EYS: variants seen among roughly 807,000 people sequenced by gnomAD.
EYS encodes the protein EGF-like photoreceptor maintenance factor.
A neutral mutation model predicts 282.1 loss-of-function variants in EYS; 250 were observed. The observed-to-expected ratio is 0.89, with a 90% CI of 0.80 to 0.98. The LOEUF is 0.98. Ranked by LOEUF, EYS falls within the 50% of genes least tolerant of loss-of-function variation. The pLI is 0.00. For missense variants in EYS, 4,016 were observed against 3,709.0 expected (o/e 1.08, Z -2.15); for synonymous variants, 1,355 against 1,282.9 (o/e 1.06, Z -1.20).
intron 31 of EYS, among the ~76,000 whole-genome samples, chr6:64,184,653 T>G (rs925231001): frequency 1.3e-5 from 2 of 152,140 alleles, no homozygotes; most frequent in African/African-American, 2.4e-5. Context: ...AGCTAAACTA[T>G]GAAAAGTCAC....
intron 24 of EYS, among the ~76,000 whole-genome samples, chr6:64,607,760 T>G (rs540369907): frequency 1.1e-3 from 168 of 152,252 alleles, no homozygotes; most frequent in African/African-American, 4.0e-3. Context: ...GATCTAGAAC[T>G]GTATTTTGGT....
chr6:64,664,569 C>T (rs895789582), intron 22 of EYS, among the ~76,000 whole-genome samples: 4 of 152,148 alleles, frequency 2.6e-5, no homozygotes, highest in Admixed American at 6.5e-5. Flanking sequence ...CCTCCTCACC[C>T]GCCCCCAAAT....
intron 12 of EYS, among the ~76,000 whole-genome samples, chr6:65,115,521 C>T (rs1775341416): frequency 2.0e-5 from 3 of 151,992 alleles, no homozygotes; most frequent in Admixed American, 6.6e-5. Flanking sequence ...AAATGCCTGA[C>T]ACTATGTTAA....
At chr6:63,741,772 C>A in intron 41 of EYS, 1 of 569,018 alleles carries the variant, frequency 1.8e-6, no homozygotes, top group South Asian at 2.2e-5. Flanking sequence ...CCCGTTCAAT[C>A]TGAATCAAAC....
intron 30 of EYS, among the ~76,000 whole-genome samples, chr6:64,267,568 A>G (rs1458891820): frequency 1.3e-5 from 2 of 152,172 alleles, no homozygotes; most frequent in African/African-American, 2.4e-5. Flanking sequence ...AAGAAATACA[A>G]TAAAATCATA....
intron 26 of EYS, among the ~76,000 whole-genome samples, chr6:64,477,836 T>G (rs73767822): frequency 6.6e-6 from 1 of 152,218 alleles, no homozygotes; most frequent in African/African-American, 2.4e-5. Flanking sequence ...ATTAAAGCAA[T>G]GCAGAACATC....
chr6:64,357,313 G>A (rs1386571484), intron 29 of EYS, among the ~76,000 whole-genome samples: 1 of 101,808 alleles, frequency 9.8e-6, no homozygotes, highest in Non-Finnish European at 2.1e-5. Context: ...AACTGTGTCT[G>A]TGTATGAGCA....
At chr6:65,495,719 G>T in intron 3 of EYS, 112 bp from the exon 4 acceptor site, 1 of 391,486 alleles carries the variant, frequency 2.6e-6, no homozygotes, top group Non-Finnish European at 4.6e-6. Flanking sequence ...CAAAGATAGT[G>T]TCACCAGCAG....
chr6:64,425,745 T>C (rs1418237811), intron 28 of EYS, among the ~76,000 whole-genome samples: 2 of 151,392 alleles, frequency 1.3e-5, no homozygotes, highest in Non-Finnish European at 2.9e-5. Flanking sequence ...AGACGAAATG[T>C]TGAAAAGGAC....
chr6:65,673,107 G>A (rs12197906), intron 1 of EYS, among the ~76,000 whole-genome samples: 53,719 of 152,078 alleles, frequency 0.35, 11,983 homozygotes, highest in Non-Finnish European at 0.49. Context: ...ATACGTGCAG[G>A]TCACAGGGGA....
At chr6:65,588,396 T>C (rs954450729) in intron 2 of EYS, among the ~76,000 whole-genome samples, 1 of 152,016 alleles carries the variant, frequency 6.6e-6, no homozygotes, top group African/African-American at 2.4e-5. Flanking sequence ...GCCTGTCATG[T>C]GGCGGGGGGA....
intron 16 of EYS, among the ~76,000 whole-genome samples, chr6:64,909,586 TAG>T (rs1767930114): frequency 6.6e-6 from 1 of 152,106 alleles, no homozygotes; most frequent in Non-Finnish European, 1.5e-5. Flanking sequence ...CATTTTCCTG[TAG>T]AAAATGTTCA....
intron 5 of EYS, among the ~76,000 whole-genome samples, chr6:65,433,883 T>A (rs1767969385): frequency 6.6e-6 from 1 of 152,150 alleles, no homozygotes; most frequent in Non-Finnish European, 1.5e-5. Context: ...CATGTTTGGG[T>A]TTAATTTGAG....
At chr6:64,870,484 C>T (rs1467367566) in intron 19 of EYS, among the ~76,000 whole-genome samples, 1 of 134,320 alleles carries the variant, frequency 7.4e-6, no homozygotes, top group African/African-American at 2.8e-5. Context: ...AGATTTACAA[C>T]ATTATAAGAT....
chr6:65,158,288 C>T (rs1222367887), intron 12 of EYS, among the ~76,000 whole-genome samples: 2 of 150,780 alleles, frequency 1.3e-5, no homozygotes, highest in African/African-American at 2.4e-5. Context: ...TTCTGTGGTT[C>T]GACCAGGAGC....
In EYS at chr6:65,097,018, A is replaced by C. The variant is rs181810795; in HGVS notation, c.2024-39291T>G. Among the ~76,000 whole-genome samples, 212 of 151,208 alleles carry C rather than the reference A, an allele frequency of 1.4e-3. 3 individuals carry two copies. Among genetic ancestry groups the C allele is most frequent in the African/African-American group, 4.8e-3 (201 of 41,468 alleles). ...AGAATTATGACTACATCAAAGTAAA[A>C]ATCTTCTACATAGAAAAGGAAATGA... On this transcript the variant is annotated intron_variant, in intron 12 of 42. Transcript: ENST00000503581.
Position 65,423,059 on chromosome 6 carries a change from A to T in EYS, c.863-17692T>A, listed in dbSNP as rs76996725. On this transcript the variant is annotated intron_variant, in intron 5 of 42. Transcript: ENST00000503581. Reference sequence around the variant, plus strand: ...CTAAACACAACATGATCACACAAACATCCTATAAATAGAAAAAGGATAAAG... The same window carrying T: ...CTAAACACAACATGATCACACAAACTTCCTATAAATAGAAAAAGGATAAAG... Among the ~76,000 whole-genome samples, 377 of 152,002 alleles carry T rather than the reference A, an allele frequency of 2.5e-3. 1 individual carries two copies. The highest frequency in any genetic ancestry group is 0.01 in the Middle Eastern group (3 of 294).
intron 26 of EYS, among the ~76,000 whole-genome samples, chr6:64,503,974 G>A (rs1777132358): frequency 6.6e-6 from 1 of 152,148 alleles, no homozygotes; most frequent in East Asian, 1.9e-4. Context: ...GATGTGACTT[G>A]CTTCACCTTC....
intron 12 of EYS, among the ~76,000 whole-genome samples, chr6:65,059,669 A>C (rs1773514562): frequency 6.6e-6 from 1 of 152,056 alleles, no homozygotes; most frequent in South Asian, 2.1e-4. Flanking sequence ...ATTCTCTAAG[A>C]AAATGAAGGG....
Sources: gnomAD v4.1 joint callset for allele counts (sites outside exome capture counted in the v4.1 genomes callset) on GRCh38, gnomAD v4.1.1 for gene constraint, MANE v1.5 for transcripts, NCBI Gene and HGNC (gene_info 2026-07-23, HGNC 2026-07-21) for gene names.